Variants in DZIP3 observed in about 807,000 individuals in gnomAD.
DZIP3 encodes the protein DAZ interacting zinc finger protein 3, also known as E3 ubiquitin-protein ligase DZIP3.
Under a neutral mutation model 162.0 loss-of-function variants are expected in DZIP3, and 118 were observed. That is an observed-to-expected ratio of 0.73 (90% CI 0.63 to 0.85). The LOEUF is 0.85. DZIP3 is among the 40% of genes least tolerant of loss of function. The pLI is 0.00. For missense variants in DZIP3, 1,331 were observed against 1,407.0 expected, an observed-to-expected ratio of 0.95 and a Z score of 0.86; for synonymous variants, 438 against 458.6, an observed-to-expected ratio of 0.96 and a Z score of 0.57.
chr3:108,677,595 A>G lies in DZIP3; in HGVS notation c.2880A>G (p.Ile960Met). 1.2e-6 allele frequency: 2 copies of G among 1,611,252 alleles called. No individual in the cohort carries two copies. The highest frequency in any genetic ancestry group is 1.1e-5 in the South Asian group (1 of 90,998). The part of the protein sequence containing the change: ...QLPPPPPSPE[I>M]LMQQFLGRPL... ...CTCCTCCACCACCCAGTCCTGAGAT[A>G]CTGGTAAGAAATACAACATTTTGAA... The change falls in exon 26 of 33, where the codon ATA (isoleucine) becomes ATG (methionine). Residue 960 changes from isoleucine to methionine, a missense_variant. By Grantham distance (10) the Ile-to-Met change is conservative (BLOSUM62 1). Transcript: ENST00000361582.
intron 26 of DZIP3, 54 bp from the exon 27 acceptor site, chr3:108,684,162 T>A (rs1028549314): frequency 2.0e-5 from 31 of 1,542,890 alleles, no homozygotes; most frequent in Non-Finnish European, 2.6e-5. Context: ...TAAATAAATA[T>A]ATAAATATGT....
Position 108,644,425 on chromosome 3 carries a change from G to C in DZIP3, c.1403G>C (p.Cys468Ser). The C allele has an allele frequency of 6.2e-7, 1 of 1,614,010 alleles. No individual in the cohort carries two copies. The highest frequency in any genetic ancestry group is 1.1e-5 in the South Asian group (1 of 91,074). The change falls in exon 14 of 33, where the codon TGC becomes TCC. Residue 468 changes from cysteine to serine, a missense_variant. By Grantham distance (112) the Cys-to-Ser change is moderately radical. Transcript: ENST00000361582. Reference protein sequence around the residue: ...ELPQSKQFDLCLLLALIKHLN... With the variant: ...ELPQSKQFDLSLLLALIKHLN... Reference sequence around the variant, plus strand: ...CCGCAATCCAAACAGTTTGACTTATGCCTCCTGTTAGCTCTTATAAAACAT... The same window carrying C: ...CCGCAATCCAAACAGTTTGACTTATCCCTCCTGTTAGCTCTTATAAAACAT...
chr3:108,608,094 C>T lies in DZIP3; in HGVS notation c.38C>T (p.Pro13Leu), dbSNP rs1442052712. The T allele has an allele frequency of 6.2e-7, 1 of 1,612,244 alleles. No individual in the cohort carries two copies. Among genetic ancestry groups the T allele is most frequent in the South Asian group, 1.1e-5 (1 of 90,984 alleles). Residue 13 changes from proline to leucine, a missense_variant, in exon 3 of 33, where the codon CCT becomes CTT. Transcript: ENST00000361582. ...CTCATTTTCATTTAAAATAGGCATC[C>T]TGCTGTGGAGGATCAGAGGAAGGAA... ...SLPDEFFVRHPAVEDQRKEET... is the reference protein window; with the variant it reads ...SLPDEFFVRHLAVEDQRKEET...
Position 108,644,463 on chromosome 3 carries a change from C to T in DZIP3, c.1441C>T (p.Pro481Ser), listed in dbSNP as rs1942534013. The part of the protein sequence containing the change: ...LALIKHLNVF[P>S]APKKGWNMEP... The stretch of plus-strand genomic sequence containing the variant: ...TCTTATAAAACATTTAAATGTGTTC[C>T]CTGCACCCAAAAAAGGATGGAATAT... Residue 481 changes from proline to serine, a missense_variant, in exon 14 of 33, where the codon CCT (proline) becomes TCT (serine). By Grantham distance (74) the Pro-to-Ser change is moderately conservative (BLOSUM62 -1). This residue lies in a region of DZIP3 where 1,278 missense variants were observed against 1,317.1 expected (regional missense o/e 0.97). Transcript: ENST00000361582. 1 of 1,613,858 alleles carries T rather than the reference C, an allele frequency of 6.2e-7. No individual in the cohort carries two copies. Among genetic ancestry groups the T allele is most frequent in the African/African-American group, 1.3e-5 (1 of 74,884 alleles).
intron 8 of DZIP3, among the ~76,000 whole-genome samples, chr3:108,631,794 T>C (rs975794744): frequency 1.3e-5 from 2 of 151,618 alleles, no homozygotes; most frequent in African/African-American, 4.8e-5. Flanking sequence ...ATTTTCTTCT[T>C]TCTGGGAATT....
At chr3:108,652,583 T>C (rs998075549) in intron 18 of DZIP3, among the ~76,000 whole-genome samples, 1 of 151,810 alleles carries the variant, frequency 6.6e-6, no homozygotes, top group Non-Finnish European at 1.5e-5. Flanking sequence ...ATTACTTTAC[T>C]TTTTATAAAT....
rs751240502 is a variant in DZIP3 at position 108,690,901 on chromosome 3, A to G, written c.*4A>G. On this transcript the variant is annotated splice_region_variant and 3_prime_UTR_variant, in exon 32 of 33. Coordinates refer to ENST00000361582, the MANE Select transcript of DZIP3 (RefSeq NM_014648.4). ...CCGGCAGTTGCCCAAGATCTGATAC[A>G]AGGTCGGGGTGTCTATGCAAAGGAA... 9 of 1,613,686 alleles carry G rather than the reference A, an allele frequency of 5.6e-6. No homozygotes were observed. The highest frequency in any genetic ancestry group is 1.6e-4 in the Middle Eastern group (1 of 6,074).
chr3:108,619,315 T>C (rs796176620), intron 5 of DZIP3, among the ~76,000 whole-genome samples: 102 of 150,466 alleles, frequency 6.8e-4, no homozygotes, highest in African/African-American at 2.3e-3. Flanking sequence ...TGTGTGTGTG[T>C]GTGTGTGTGT....
chr3:108,591,160 G>A (rs1054623655), intron 1 of DZIP3, among the ~76,000 whole-genome samples: 5 of 152,190 alleles, frequency 3.3e-5, no homozygotes, highest in Non-Finnish European at 5.9e-5. Context: ...TTAGATAGAG[G>A]AAATGGCAAA....
chr3:108,657,304 A>G (rs1177872232), intron 19 of DZIP3, among the ~76,000 whole-genome samples: 2 of 152,168 alleles, frequency 1.3e-5, no homozygotes, highest in Non-Finnish European at 1.5e-5. Flanking sequence ...CAGAAACTCT[A>G]CAAGCCAGAA....
At chr3:108,647,216 CTGTT>C (rs1436760784) in intron 15 of DZIP3, among the ~76,000 whole-genome samples, 2 of 152,160 alleles carry the variant, frequency 1.3e-5, no homozygotes, top group Non-Finnish European at 2.9e-5. Flanking sequence ...CCTGCTTTCT[CTGTT>C]TGGTGTTTAG....
chr3:108,648,165 T>A, intron 16 of DZIP3, 53 bp downstream of exon 16: 1 of 1,501,556 alleles, frequency 6.7e-7, no homozygotes, highest in African/African-American at 1.4e-5. Flanking sequence ...GGGCCTTTAA[T>A]TTGTTGCATG....
chr3:108,683,987 T>C (rs1944410726), intron 26 of DZIP3, among the ~76,000 whole-genome samples: 1 of 152,194 alleles, frequency 6.6e-6, no homozygotes, highest in South Asian at 2.1e-4. Flanking sequence ...AGCTATTTCT[T>C]TTCTGTCTTT....
chr3:108,638,580 G>A (rs1333461605), intron 12 of DZIP3, among the ~76,000 whole-genome samples: 1 of 152,150 alleles, frequency 6.6e-6, no homozygotes, highest in African/African-American at 2.4e-5. Context: ...GCCTCCCAAA[G>A]TGCTGGGATT....
At chr3:108,627,212 C>T (rs1211891904) in intron 7 of DZIP3, among the ~76,000 whole-genome samples, 2 of 152,214 alleles carry the variant, frequency 1.3e-5, no homozygotes, top group East Asian at 3.9e-4. Flanking sequence ...TCCTGCTGTC[C>T]TTCCTCAGAT....
intron 6 of DZIP3, among the ~76,000 whole-genome samples, chr3:108,625,392 C>A (rs919886114): frequency 2.0e-5 from 3 of 152,076 alleles, no homozygotes; most frequent in Non-Finnish European, 4.4e-5. Context: ...CAGAAAAGCC[C>A]TTATTTTGGC....
chr3:108,646,791 C>G (rs890648868), intron 15 of DZIP3, 142 bp downstream of exon 15: 10 of 584,546 alleles, frequency 1.7e-5, no homozygotes, highest in Admixed American at 3.8e-5. Flanking sequence ...GCCTATAATC[C>G]CTGTACTTTG....
At chr3:108,613,133 A>C (rs1940813112) in intron 4 of DZIP3, among the ~76,000 whole-genome samples, 2 of 150,702 alleles carry the variant, frequency 1.3e-5, no homozygotes, top group South Asian at 4.1e-4. Context: ...AACTCTATTA[A>C]AGGTAAGAAA....
intron 26 of DZIP3, among the ~76,000 whole-genome samples, chr3:108,679,453 T>TTGCTAACA (rs1483437707): frequency 2.4e-4 from 36 of 152,136 alleles, no homozygotes; most frequent in Non-Finnish European, 2.9e-5. Context: ...TAAGCATCCT[T>TTGCTAACA]TGCTAACATT....
Sources: allele counts gnomAD v4.1 joint callset (sites outside exome capture counted in the v4.1 genomes callset), GRCh38; gene constraint gnomAD v4.1.1; regional missense constraint gnomAD v4.1.1; transcripts MANE v1.5; gene names NCBI Gene and HGNC (gene_info 2026-07-23, HGNC 2026-07-21).